The following ZNRF2 variants were observed in gnomAD, a reference collection of about 807,000 sequenced individuals.
The protein encoded by ZNRF2 is E3 ubiquitin-protein ligase ZNRF2.
Under a neutral mutation model 20.4 loss-of-function variants are expected in ZNRF2, and 16 were observed. The observed-to-expected ratio is 0.79, with a 90% CI of 0.53 to 1.19. ZNRF2 has a LOEUF of 1.19. ZNRF2 is among the 50% of genes most tolerant of loss of function. The pLI, the probability that ZNRF2 is intolerant of heterozygous loss-of-function variation, is 0.00. For synonymous variants in ZNRF2, 178 were observed against 144.9 expected (o/e 1.23, Z -1.64); for missense variants, 363 against 332.4 (o/e 1.09, Z -0.72).
intron 3 of ZNRF2, among the ~76,000 whole-genome samples, chr7:30,356,179 C>T (rs952524056): frequency 2.0e-5 from 3 of 151,996 alleles, no homozygotes; most frequent in Admixed American, 1.3e-4. Flanking sequence ...TAGTAAATGG[C>T]AGAGTTGAGA....
chr7:30,344,215 C>T (rs1490057883), intron 2 of ZNRF2, among the ~76,000 whole-genome samples: 1 of 150,794 alleles, frequency 6.6e-6, no homozygotes, highest in Non-Finnish European at 1.5e-5. Flanking sequence ...AGCCACTGCG[C>T]CCGGCCCCAG....
At chr7:30,325,551 T>C (rs1209357833) in intron 2 of ZNRF2, among the ~76,000 whole-genome samples, 1 of 152,156 alleles carries the variant, frequency 6.6e-6, no homozygotes, top group African/African-American at 2.4e-5. Context: ...GTAACAAAAA[T>C]GTTGGGAGGG....
chr7:30,357,392 G>GA (rs1800057658), intron 3 of ZNRF2, among the ~76,000 whole-genome samples: 2 of 151,910 alleles, frequency 1.3e-5, no homozygotes, highest in South Asian at 2.1e-4. Context: ...GTGGATCAAA[G>GA]AAAAAATCAT....
At chr7:30,346,158 C>A (rs77571897) in intron 2 of ZNRF2, among the ~76,000 whole-genome samples, 1 of 33,910 alleles carries the variant, frequency 2.9e-5, no homozygotes, top group Non-Finnish European at 8.3e-5. Flanking sequence ...TTTTTTTTTT[C>A]TGTTAAGTCT....
chr7:30,345,206 AT>A (rs111250775), intron 2 of ZNRF2, among the ~76,000 whole-genome samples: 19,567 of 151,876 alleles, frequency 0.13, 3,492 homozygotes, highest in African/African-American at 0.4. Flanking sequence ...TGTAGAGAAC[AT>A]TTTTTTCCCT....
chr7:30,296,438 T>C (rs1360538927), intron 1 of ZNRF2, among the ~76,000 whole-genome samples: 3 of 152,242 alleles, frequency 2.0e-5, no homozygotes, highest in Admixed American at 6.5e-5. Flanking sequence ...TGTGTGCTGC[T>C]GCTTCAGGGC....
At chr7:30,329,295 C>T (rs1017233992) in intron 2 of ZNRF2, among the ~76,000 whole-genome samples, 1 of 152,140 alleles carries the variant, frequency 6.6e-6, no homozygotes, top group South Asian at 2.1e-4. Flanking sequence ...TAGGTACATA[C>T]CAGTTCTGCT....
chr7:30,299,443 A>T (rs1223482397), intron 1 of ZNRF2, among the ~76,000 whole-genome samples: 1 of 151,708 alleles, frequency 6.6e-6, no homozygotes, highest in Non-Finnish European at 1.5e-5. Context: ...AAATCAGATG[A>T]TGCAAAAAAA....
intron 1 of ZNRF2, among the ~76,000 whole-genome samples, chr7:30,295,374 C>T (rs184342837): frequency 4.6e-4 from 70 of 152,232 alleles, no homozygotes; most frequent in African/African-American, 1.7e-3. Flanking sequence ...TTGGGCTGAC[C>T]TTAAGCAAGT....
chr7:30,358,925 T>C (rs541619251), intron 3 of ZNRF2, among the ~76,000 whole-genome samples: 1 of 152,262 alleles, frequency 6.6e-6, no homozygotes, highest in South Asian at 2.1e-4. Context: ...AACAACTTCA[T>C]AGAGTATAAG....
chr7:30,332,359 C>T (rs569059200), intron 2 of ZNRF2, among the ~76,000 whole-genome samples: 1 of 152,178 alleles, frequency 6.6e-6, no homozygotes, highest in Admixed American at 6.5e-5. Flanking sequence ...TGTAGATGCC[C>T]TGTTACCTTT....
intron 1 of ZNRF2, among the ~76,000 whole-genome samples, chr7:30,294,492 T>C (rs754630925): frequency 1.3e-5 from 2 of 152,172 alleles, no homozygotes; most frequent in Non-Finnish European, 2.9e-5. Flanking sequence ...TTTAGAAATA[T>C]TGCACCGTGG....
rs952690263 is a variant in ZNRF2, at chr7:30,346,248, C to A, written c.566-9480C>A. On this transcript the variant is annotated intron_variant, in intron 2 of 4. Transcript: ENST00000323037. Reference sequence around the variant, plus strand: ...TGCTCTTGTTGCCCAGGCTGCAATGCAGTGGCACGATCTTGGCTCACTGCA... The same window carrying A: ...TGCTCTTGTTGCCCAGGCTGCAATGAAGTGGCACGATCTTGGCTCACTGCA... Among the ~76,000 whole-genome samples the A allele has an allele frequency of 1.1e-4, 13 of 117,774 alleles. No homozygotes were observed. In the Admixed American group the frequency reaches 1.6e-3, roughly 15 times the overall value. The allele number at this position is 117,774 out of a possible 152,430, so 77.3% of individuals were successfully genotyped here.
At chr7:30,327,778 G>A (rs952323933) in intron 2 of ZNRF2, among the ~76,000 whole-genome samples, 3 of 151,936 alleles carry the variant, frequency 2.0e-5, no homozygotes, top group Non-Finnish European at 2.9e-5. Flanking sequence ...CATGGCACAC[G>A]ACAGCCTCAA....
intron 3 of ZNRF2, among the ~76,000 whole-genome samples, chr7:30,358,103 CAATA>C: frequency 6.6e-6 from 1 of 151,978 alleles, no homozygotes; most frequent in East Asian, 1.9e-4. Context: ...AACATTAACT[CAATA>C]AATGTGAGAA....
intron 2 of ZNRF2, among the ~76,000 whole-genome samples, chr7:30,352,360 C>G (rs1271524689): frequency 1.3e-5 from 2 of 151,976 alleles, no homozygotes; most frequent in African/African-American, 4.8e-5. Context: ...GTTGAAAATG[C>G]ACCCATTGAA....
intron 4 of ZNRF2, among the ~76,000 whole-genome samples, chr7:30,365,172 T>TTTG (rs1376254076): frequency 7.0e-5 from 8 of 115,004 alleles, no homozygotes; most frequent in African/African-American, 3.3e-4. Context: ...TTTTTTTTTT[T>TTTG]GGTGAGGTGG....
chr7:30,363,758 CT>C (rs146619947), intron 4 of ZNRF2, among the ~76,000 whole-genome samples: 4,423 of 145,344 alleles, frequency 0.03, 243 homozygotes, highest in African/African-American at 0.1. Flanking sequence ...TTTCATAGGG[CT>C]TTTTTTTTTC....
intron 2 of ZNRF2, among the ~76,000 whole-genome samples, chr7:30,339,601 T>G (rs1385758210): frequency 1.3e-5 from 2 of 152,054 alleles, no homozygotes; most frequent in African/African-American, 2.4e-5. Context: ...TCTGAGGCCT[T>G]TGTTCTGTTC....
Sources: allele counts gnomAD v4.1 joint callset (sites outside exome capture counted in the v4.1 genomes callset), GRCh38; gene constraint gnomAD v4.1.1; transcripts MANE v1.5; gene names NCBI Gene and HGNC (gene_info 2026-07-23, HGNC 2026-07-21).